LRP1B: variants seen among roughly 807,000 people sequenced by gnomAD.
LRP1B encodes the protein low-density lipoprotein receptor-related protein 1B.
Under a neutral mutation model 556.6 loss-of-function variants are expected in LRP1B, and 217 were observed. That is an observed-to-expected ratio of 0.39 (90% CI 0.35 to 0.44). The LOEUF is 0.44. LRP1B is among the 20% of genes least tolerant of loss of function. The probability of loss-of-function intolerance (pLI) is 1.00; values close to 1 mark genes in which losing one functional copy is unlikely to be tolerated. For missense variants in LRP1B, 5,053 were observed against 5,620.8 expected (o/e 0.90, Z 3.23); for synonymous variants, 2,047 against 1,865.8 (o/e 1.10, Z -2.50).
At chr2:141,986,167 A>T (rs144851987) in intron 1 of LRP1B, among the ~76,000 whole-genome samples, 1 of 152,084 alleles carries the variant, frequency 6.6e-6, no homozygotes, top group African/African-American at 2.4e-5. Flanking sequence ...GTTATAAAAA[A>T]TTTCTGGAAA....
rs1198343444 is a variant in LRP1B at position 141,920,589 on chromosome 2, A to G, written c.83-110188T>C. Among the ~76,000 whole-genome samples, 3 of 152,168 alleles carry G rather than the reference A, an allele frequency of 2.0e-5. No homozygotes were observed. In the East Asian group the frequency reaches 5.8e-4, roughly 29 times the overall value. ...GATGGTATCAACTGAGAAGACTGAGATGAATGAACAAAGTTGAAGTTTTAC... is the reference window on the plus strand; with the variant it reads ...GATGGTATCAACTGAGAAGACTGAGGTGAATGAACAAAGTTGAAGTTTTAC... On this transcript the variant is annotated intron_variant, in intron 1 of 90. Coordinates refer to ENST00000389484, the MANE Select transcript of LRP1B (RefSeq NM_018557.3).
intron 46 of LRP1B, 59 bp from the exon 47 acceptor site, chr2:140,534,199 T>C: frequency 6.8e-7 from 1 of 1,470,262 alleles, no homozygotes; most frequent in Non-Finnish European, 9.4e-7. Context: ...TTGTACAAAA[T>C]GAAAATCACA....
intron 1 of LRP1B, among the ~76,000 whole-genome samples, chr2:141,921,480 T>C (rs747776512): frequency 7.9e-5 from 12 of 152,038 alleles, no homozygotes; most frequent in Non-Finnish European, 1.5e-4. Flanking sequence ...TATGTGTTTG[T>C]GTGTGTATAT....
intron 1 of LRP1B, among the ~76,000 whole-genome samples, chr2:141,915,672 C>A (rs534654496): frequency 1.3e-5 from 2 of 152,228 alleles, no homozygotes; most frequent in South Asian, 4.1e-4. Flanking sequence ...AGAAGACATT[C>A]ACAAAGAATG....
intron 1 of LRP1B, among the ~76,000 whole-genome samples, chr2:141,963,383 G>C (rs1489677470): frequency 6.6e-6 from 1 of 151,862 alleles, no homozygotes; most frequent in African/African-American, 2.4e-5. Context: ...AGTAAGACAA[G>C]ATGTGACAGC....
chr2:141,219,832 C>T (rs1682962675), intron 6 of LRP1B, among the ~76,000 whole-genome samples: 2 of 152,094 alleles, frequency 1.3e-5, no homozygotes, highest in Admixed American at 1.3e-4. Flanking sequence ...CAGTAAGCCC[C>T]AGCAGCCCTA....
At chr2:141,700,757 A>G (rs1383632391) in intron 2 of LRP1B, among the ~76,000 whole-genome samples, 1 of 151,792 alleles carries the variant, frequency 6.6e-6, no homozygotes, top group East Asian at 1.9e-4. Context: ...ATCCTCCTTT[A>G]AGGAGAACTT....
intron 22 of LRP1B, among the ~76,000 whole-genome samples, chr2:140,904,427 T>C (rs555673682): frequency 8.8e-6 from 1 of 113,486 alleles, no homozygotes; most frequent in African/African-American, 3.1e-5. Flanking sequence ...TATTGTCTAA[T>C]AATCAGTAAA....
At position 141,094,521 on chromosome 2, in the gene LRP1B, G is replaced by A. The variant is rs76642010; in HGVS notation, c.1014-32248C>T. Among the ~76,000 whole-genome samples, 971 of 152,180 alleles carry A rather than the reference G, an allele frequency of 6.4e-3. 12 individuals carry two copies. The highest frequency in any genetic ancestry group is 0.022 in the African/African-American group (903 of 41,520). ...TTAAGTGACATACTTAAAGCTACAC[G>A]AGCAGGAGACCAGCAGCTAGATCTT... On this transcript the variant is annotated intron_variant, in intron 7 of 90. Coordinates refer to ENST00000389484, the MANE Select transcript of LRP1B (RefSeq NM_018557.3).
chr2:140,802,163 G>GT (rs949032970), intron 32 of LRP1B, among the ~76,000 whole-genome samples: 3 of 152,098 alleles, frequency 2.0e-5, no homozygotes, highest in Admixed American at 6.6e-5. Context: ...TTTTCCAGTG[G>GT]TTGTCAATGG....
intron 3 of LRP1B, among the ~76,000 whole-genome samples, chr2:141,281,850 G>A (rs762170294): frequency 1.3e-5 from 2 of 152,010 alleles, no homozygotes; most frequent in Non-Finnish European, 2.9e-5. Context: ...AGCTATGTGA[G>A]CTACCCTGAA....
chr2:140,382,263 G>A (rs937593401), intron 67 of LRP1B, among the ~76,000 whole-genome samples: 35 of 152,110 alleles, frequency 2.3e-4, no homozygotes, highest in African/African-American at 7.5e-4. Context: ...TAAGGCAGAA[G>A]CAGCTTGTCT....
At chr2:141,562,473 A>T (rs1265578883) in intron 2 of LRP1B, among the ~76,000 whole-genome samples, 1 of 151,928 alleles carries the variant, frequency 6.6e-6, no homozygotes, top group Non-Finnish European at 1.5e-5. Flanking sequence ...CACGTTCATG[A>T]TTCTGTTTTG....
chr2:140,439,974 TTC>T (rs1049686137), intron 66 of LRP1B, among the ~76,000 whole-genome samples: 27 of 152,286 alleles, frequency 1.8e-4, no homozygotes, highest in Admixed American at 1.5e-3. Context: ...TTCATAGTGC[TTC>T]TCTCTCTTTC....
chr2:140,238,703 A>G lies in LRP1B; in HGVS notation c.13416-407T>C, dbSNP rs75069440. Among the ~76,000 whole-genome samples, 435 of 150,924 alleles carry G rather than the reference A, an allele frequency of 2.9e-3. 2 individuals carry two copies. The highest frequency in any genetic ancestry group is 9.8e-3 in the African/African-American group (406 of 41,412). ...TCAAAAGCTCTTGGTTTTTAAGCTTATTTTGTACAAGTGCAAGTTTGTTAC... is the reference window on the plus strand; with the variant it reads ...TCAAAAGCTCTTGGTTTTTAAGCTTGTTTTGTACAAGTGCAAGTTTGTTAC... On this transcript the variant is annotated intron_variant, in intron 88 of 90. Transcript: ENST00000389484.
chr2:140,762,920 A>G (rs1444908577), intron 35 of LRP1B, among the ~76,000 whole-genome samples: 1 of 152,064 alleles, frequency 6.6e-6, no homozygotes, highest in East Asian at 1.9e-4. Context: ...GTTTAAGTTT[A>G]CAGTTGAAGA....
chr2:141,841,164 G>T (rs1017628107), intron 1 of LRP1B, among the ~76,000 whole-genome samples: 1 of 152,074 alleles, frequency 6.6e-6, no homozygotes, highest in African/African-American at 2.4e-5. Context: ...TTGAACCAAG[G>T]ATAAGTAATG....
At position 140,868,265 on chromosome 2, in the gene LRP1B, TAAAAAAAA is replaced by T; in HGVS notation, c.4170-10_4170-3del. On this transcript the variant is annotated splice_polypyrimidine_tract_variant and splice_region_variant and intron_variant, in intron 25 of 90. Coordinates refer to ENST00000389484, the MANE Select transcript of LRP1B (RefSeq NM_018557.3). ...TCCCAGTCTGTCCAGAAAAGAATTC[TAAAAAAAA>T]AAAAAAAAAAAGAAATAATACTATT... The T allele has an allele frequency of 7.7e-7, 1 of 1,296,096 alleles. No individual in the cohort carries two copies. The highest frequency in any genetic ancestry group is 1.0e-6 in the Non-Finnish European group (1 of 991,630). The allele number at this position is 1,296,096 out of a possible 1,614,324, so 80.3% of individuals were successfully genotyped here. A position where few individuals can be genotyped will look rare whatever the true frequency, so the allele number is the denominator to read the frequency against.
Position 140,851,863 on chromosome 2 carries a change from A to G in LRP1B, c.4580-80T>C, listed in dbSNP as rs1178054304. 5.2e-6 allele frequency: 7 copies of G among 1,341,738 alleles called. No homozygotes were observed. In the Admixed American group the frequency reaches 1.5e-4, roughly 29 times the overall value. 83.1% of individuals were successfully genotyped at this position (1,341,738 alleles called of 1,614,324 possible). ...GCTCTGAGGTTGACAGGGGTTATTC[A>G]CCTAATGATTCAAAGTAAAGTTTCC... On this transcript the variant is annotated intron_variant, in intron 27 of 90. Transcript: ENST00000389484.
Sources: gnomAD v4.1 joint callset for allele counts (sites outside exome capture counted in the v4.1 genomes callset) on GRCh38, gnomAD v4.1.1 for gene constraint, MANE v1.5 for transcripts, NCBI Gene and HGNC (gene_info 2026-07-23, HGNC 2026-07-21) for gene names.